Variants in ZNF654 observed in about 807,000 individuals in gnomAD.
The protein encoded by ZNF654 is zinc finger protein 654.
In ZNF654, 19 loss-of-function variants were observed where a neutral mutation model predicts 95.3. The ratio of observed to expected loss-of-function variants is 0.20; its 90% confidence interval spans 0.14 to 0.29. ZNF654 has a LOEUF of 0.29. Ranked by LOEUF, ZNF654 falls within the 10% of genes least tolerant of loss-of-function variation. The pLI is 1.00. For synonymous variants in ZNF654, 413 were observed against 457.9 expected (o/e 0.90, Z 1.25); for missense variants, 1,046 against 1,341.0 (o/e 0.78, Z 3.44).
intron 3 of ZNF654, among the ~76,000 whole-genome samples, chr3:88,120,100 A>G (rs1705678489): frequency 1.3e-5 from 2 of 152,084 alleles, no homozygotes; most frequent in Non-Finnish European, 2.9e-5. Context: ...AATGTAACTT[A>G]TAGGCATTCA....
chr3:88,097,558 C>T (rs985147037), intron 2 of ZNF654, among the ~76,000 whole-genome samples: 40 of 152,052 alleles, frequency 2.6e-4, no homozygotes, highest in Admixed American at 6.6e-4. Flanking sequence ...CACACTTATT[C>T]CAAAATTGAC....
intron 3 of ZNF654, among the ~76,000 whole-genome samples, chr3:88,125,550 A>C (rs1706050149): frequency 6.6e-6 from 1 of 152,154 alleles, no homozygotes; most frequent in African/African-American, 2.4e-5. Context: ...TTATAGATTT[A>C]TTTCTTTAAC....
At chr3:88,129,927 T>A (rs1706345045) in intron 6 of ZNF654, 101 bp downstream of exon 6, 2 of 1,106,280 alleles carry the variant, frequency 1.8e-6, no homozygotes, top group Admixed American at 6.6e-5. Flanking sequence ...AATGTCAAGC[T>A]ACTTTTAAAA....
At chr3:88,075,072 C>T (rs1429432509) in intron 1 of ZNF654, among the ~76,000 whole-genome samples, 2 of 152,158 alleles carry the variant, frequency 1.3e-5, no homozygotes, top group South Asian at 2.1e-4. Context: ...TTTCCATGGA[C>T]GGTAGCCCCA....
intron 1 of ZNF654, among the ~76,000 whole-genome samples, chr3:88,068,707 G>T (rs1344662276): frequency 1.3e-5 from 2 of 152,098 alleles, no homozygotes; most frequent in Non-Finnish European, 2.9e-5. Context: ...ATTGTGATAA[G>T]TTGTTTACCT....
intron 7 of ZNF654, among the ~76,000 whole-genome samples, chr3:88,136,597 T>A (rs1458901361): frequency 6.6e-6 from 1 of 152,158 alleles, no homozygotes; most frequent in Non-Finnish European, 1.5e-5. Context: ...CACTTTTTCC[T>A]CATTTTATTA....
At chr3:88,069,347 T>C (rs912667014) in intron 1 of ZNF654, among the ~76,000 whole-genome samples, 1 of 152,092 alleles carries the variant, frequency 6.6e-6, no homozygotes, top group Non-Finnish European at 1.5e-5. Context: ...ACTTGAACTC[T>C]GGAGGCGGAG....
rs768379694 is a variant in ZNF654, at chr3:88,142,436, T to C, written c.*784T>C. 6.6e-6 allele frequency: 1 copy of C among 152,280 alleles called. No homozygotes were observed. The highest frequency in any genetic ancestry group is 2.4e-5 in the African/African-American group (1 of 41,406). The allele number at this position is 152,280 out of a possible 1,614,324, so 9.4% of individuals were successfully genotyped here. A position where few individuals can be genotyped will look rare whatever the true frequency, so the allele number is the denominator to read the frequency against. On this transcript the variant is annotated 3_prime_UTR_variant, in exon 9 of 9. Transcript: ENST00000636215. ...AACCGATCAGTACTCTGGGGAGAGA[T>C]GAAAGGAATCTAAGACTTTACAGGC... is the stretch of plus-strand genomic sequence containing the variant.
intron 2 of ZNF654, among the ~76,000 whole-genome samples, chr3:88,105,353 T>G (rs1244004944): frequency 6.6e-6 from 1 of 152,224 alleles, no homozygotes; most frequent in Non-Finnish European, 1.5e-5. Context: ...CAAATTCATT[T>G]TTTACAATTT....
chr3:88,060,247 G>A (rs1576169402), intron 1 of ZNF654, among the ~76,000 whole-genome samples: 1 of 152,028 alleles, frequency 6.6e-6, no homozygotes, highest in Non-Finnish European at 1.5e-5. Flanking sequence ...AATATATAAT[G>A]TATTTTATTT....
intron 2 of ZNF654, among the ~76,000 whole-genome samples, chr3:88,112,641 G>A (rs554713287): frequency 6.6e-6 from 1 of 152,086 alleles, no homozygotes; most frequent in East Asian, 1.9e-4. Flanking sequence ...TAATATAAAT[G>A]TTGGCCGAGA....
intron 1 of ZNF654, among the ~76,000 whole-genome samples, chr3:88,081,215 T>G (rs1214646514): frequency 6.6e-6 from 1 of 152,244 alleles, no homozygotes; most frequent in African/African-American, 2.4e-5. Flanking sequence ...AATGTATTGT[T>G]ATGAAGAGAT....
chr3:88,087,350 C>G (rs1020983206), intron 2 of ZNF654, among the ~76,000 whole-genome samples: 5 of 152,178 alleles, frequency 3.3e-5, no homozygotes, highest in African/African-American at 1.2e-4. Flanking sequence ...GCTGGGATTA[C>G]AGGCGTGAGC....
chr3:88,142,444 A>C lies in ZNF654; in HGVS notation c.*792A>C, dbSNP rs1441550937. ...AGTACTCTGGGGAGAGATGAAAGGA[A>C]TCTAAGACTTTACAGGCTTTGTAGT... On this transcript the variant is annotated 3_prime_UTR_variant, in exon 9 of 9. Coordinates refer to ENST00000636215, the MANE Select transcript of ZNF654 (RefSeq NM_001350134.2). The C allele has an allele frequency of 6.6e-6, 1 of 152,426 alleles. No individual in the cohort carries two copies. The highest frequency in any genetic ancestry group is 1.5e-5 in the Non-Finnish European group (1 of 67,848). The allele number at this position is 152,426 out of a possible 1,614,324, so 9.4% of individuals were successfully genotyped here.
chr3:88,091,618 T>C (rs1231525260), intron 2 of ZNF654, among the ~76,000 whole-genome samples: 1 of 152,160 alleles, frequency 6.6e-6, no homozygotes, highest in East Asian at 1.9e-4. Flanking sequence ...CCAAATCTCA[T>C]CTTGAATTGT....
chr3:88,088,354 A>G (rs1296270249), intron 2 of ZNF654, among the ~76,000 whole-genome samples: 9 of 152,218 alleles, frequency 5.9e-5, no homozygotes, highest in Non-Finnish European at 1.5e-5. Flanking sequence ...AGTGAAAAAT[A>G]ATTTTGAAAG....
intron 1 of ZNF654, among the ~76,000 whole-genome samples, chr3:88,063,012 C>T (rs1395608768): frequency 3.3e-5 from 5 of 152,128 alleles, no homozygotes; most frequent in South Asian, 2.1e-4. Flanking sequence ...ATTAGAAAAG[C>T]GGAATGCTCC....
Position 88,113,127 on chromosome 3 carries a change from G to A in ZNF654, c.345G>A (p.Glu115=), listed in dbSNP as rs1471951167. 3.9e-6 allele frequency: 6 copies of A among 1,532,568 alleles called. No homozygotes were observed. The highest frequency in any genetic ancestry group is 5.2e-6 in the Non-Finnish European group (6 of 1,145,048). 94.9% of individuals were successfully genotyped at this position (1,532,568 alleles called of 1,614,324 possible). The stretch of plus-strand genomic sequence containing the variant: ...TTATTCTTTCTAGGAGTTTCTTTGA[G>A]TTGCTGCTGTTCTTTGGAAGAGATG... The part of the protein sequence containing the change: ...VLSSLAVSFF[E]LLLFFGRDEF... Residue 115 remains glutamate (E), a synonymous_variant, in exon 3 of 9, where the codon GAG becomes GAA. Coordinates refer to ENST00000636215, the MANE Select transcript of ZNF654 (RefSeq NM_001350134.2).
rs544186447 is a variant in ZNF654 at position 88,122,184 on chromosome 3, G to A, written c.415-3950G>A. Among the ~76,000 whole-genome samples, 20 of 152,222 alleles carry A rather than the reference G, an allele frequency of 1.3e-4. No homozygotes were observed. In the South Asian group the frequency reaches 3.5e-3, roughly 27 times the overall value. On this transcript the variant is annotated intron_variant, in intron 3 of 8. Coordinates refer to ENST00000636215, the MANE Select transcript of ZNF654 (RefSeq NM_001350134.2). ...TTGTGTAAAGATAGGATTTAGATAC[G>A]TTCATGGAAGTTGTAGGAGAATGAC...
Sources: gnomAD v4.1 joint callset for allele counts (sites outside exome capture counted in the v4.1 genomes callset) on GRCh38, gnomAD v4.1.1 for gene constraint, MANE v1.5 for transcripts, NCBI Gene and HGNC (gene_info 2026-07-23, HGNC 2026-07-21) for gene names.